UGT1A9: variants seen among roughly 807,000 people sequenced by gnomAD.
UGT1A9 encodes UDP-glucuronosyltransferase 1A9.
UGT1A9 carries 35 observed loss-of-function variants against 45.0 expected under a neutral mutation model. That is an observed-to-expected ratio of 0.78 (90% CI 0.59 to 1.03). UGT1A9 has a LOEUF of 1.03. Among genes scored for constraint, UGT1A9 ranks in the 50% least tolerant of loss-of-function variants. UGT1A9 has a pLI of 0.00. For missense variants in UGT1A9, 687 were observed against 666.6 expected, an observed-to-expected ratio of 1.03 and a Z score of -0.34; for synonymous variants, 278 against 250.6, an observed-to-expected ratio of 1.11 and a Z score of -1.03.
intron 3 of UGT1A9, 59 bp from the exon 4 acceptor site, chr2:233,768,161 T>G: frequency 1.2e-6 from 2 of 1,613,420 alleles, no homozygotes; most frequent in East Asian, 2.2e-5. Flanking sequence ...AACCTAGATG[T>G]GTCCAGCTGT....
chr2:233,750,746 T>G (rs1207151817), intron 1 of UGT1A9: 2 of 151,906 alleles, frequency 1.3e-5, no homozygotes, highest in Admixed American at 1.3e-4. Context: ...ACCTCAAGCC[T>G]TGGCAGCATC....
chr2:233,681,494 G>A (rs2074525000), intron 1 of UGT1A9, among the ~76,000 whole-genome samples: 1 of 130,992 alleles, frequency 7.6e-6, no homozygotes, highest in African/African-American at 3.0e-5. Context: ...TCTTACCACT[G>A]CACTCCAGCC....
chr2:233,742,329 G>T (rs1030248524), intron 1 of UGT1A9, among the ~76,000 whole-genome samples: 2 of 151,942 alleles, frequency 1.3e-5, no homozygotes, highest in Non-Finnish European at 2.9e-5. Context: ...GGGAAACAAA[G>T]GGATGGGCTC....
chr2:233,762,002 C>A (rs1378101119), intron 1 of UGT1A9, among the ~76,000 whole-genome samples: 2 of 152,188 alleles, frequency 1.3e-5, no homozygotes, highest in Non-Finnish European at 2.9e-5. Flanking sequence ...TTCCACTATA[C>A]CTCCAATGTG....
At chr2:233,741,911 A>C (rs909136076) in intron 1 of UGT1A9, 2 of 151,838 alleles carry the variant, frequency 1.3e-5, no homozygotes, top group African/African-American at 4.9e-5. Flanking sequence ...GTGATGGAAA[A>C]GGTCTTCATT....
In UGT1A9 at chr2:233,755,078, G is replaced by C. The variant is rs756759474; in HGVS notation, c.856-11956G>C. On this transcript the variant is annotated intron_variant, in intron 1 of 4. Coordinates refer to ENST00000354728, the MANE Select transcript of UGT1A9 (RefSeq NM_021027.3). ...CCCTCGCCTCGCCATAGCGGTCATAGATATCGCGTTTCTACGCGTCCGACA... is the reference window on the plus strand; with the variant it reads ...CCCTCGCCTCGCCATAGCGGTCATACATATCGCGTTTCTACGCGTCCGACA... The C allele has an allele frequency of 6.7e-6, 9 of 1,336,426 alleles. No homozygotes were observed. In the East Asian group the frequency reaches 2.3e-4, roughly 34 times the overall value. The allele number at this position is 1,336,426 out of a possible 1,614,324, so 82.8% of individuals were successfully genotyped here.
chr2:233,690,671 C>G, intron 1 of UGT1A9: 1 of 1,267,248 alleles, frequency 7.9e-7, no homozygotes, highest in South Asian at 1.3e-5. Context: ...CCAGGGCAGG[C>G]CTGGGTCTCC....
intron 1 of UGT1A9, among the ~76,000 whole-genome samples, chr2:233,685,534 C>T (rs558249982): frequency 4.6e-5 from 7 of 152,328 alleles, no homozygotes; most frequent in South Asian, 2.1e-4. Flanking sequence ...CCATTGCTCT[C>T]GCATTCTGTT....
chr2:233,763,933 G>A (rs1374530707), intron 1 of UGT1A9, among the ~76,000 whole-genome samples: 1 of 152,232 alleles, frequency 6.6e-6, no homozygotes, highest in African/African-American at 2.4e-5. Context: ...ATGGCCAGGA[G>A]AGGAAAGCTT....
chr2:233,712,779 C>G (rs2076254516), intron 1 of UGT1A9, among the ~76,000 whole-genome samples: 1 of 152,186 alleles, frequency 6.6e-6, no homozygotes, highest in Non-Finnish European at 1.5e-5. Flanking sequence ...ATGAGTTTTT[C>G]AAGATAGGAG....
At position 233,734,360 on chromosome 2, in the gene UGT1A9, C is replaced by T. The variant is rs565800937; in HGVS notation, c.856-32674C>T. Among the ~76,000 whole-genome samples the T allele has an allele frequency of 6.9e-4, 105 of 152,192 alleles. No individual in the cohort carries two copies. In the South Asian group the frequency reaches 0.014, roughly 20 times the overall value. ...ATGGTAGTTTGTATTTCTGTGGGAT[C>T]GGTGGTGATATTGCCTTTACTATTT... is the stretch of plus-strand genomic sequence containing the variant. On this transcript the variant is annotated intron_variant, in intron 1 of 4. Coordinates refer to ENST00000354728, the MANE Select transcript of UGT1A9 (RefSeq NM_021027.3).
chr2:233,747,270 T>C (rs1378649529), intron 1 of UGT1A9: 110 of 1,598,986 alleles, frequency 6.9e-5, no homozygotes, highest in Non-Finnish European at 9.1e-5. Context: ...TGCTACTCCT[T>C]CTCAGTGCCC....
At chr2:233,672,810 C>G (rs746379415) in intron 1 of UGT1A9, 21 bp downstream of exon 1, 1 of 1,605,968 alleles carries the variant, frequency 6.2e-7, no homozygotes, top group Non-Finnish European at 8.5e-7. Context: ...TCTCCTTTAG[C>G]ACCTTAAGAA....
At chr2:233,743,449 G>A in intron 1 of UGT1A9, 2 of 1,365,064 alleles carry the variant, frequency 1.5e-6, no homozygotes, top group African/African-American at 3.0e-5. Context: ...TGTATCAAAA[G>A]AAGAAAAAAC....
At chr2:233,681,881 T>A (rs7586110) in intron 1 of UGT1A9, 22 of 1,552,012 alleles carry the variant, frequency 1.4e-5, no homozygotes, top group Non-Finnish European at 1.7e-5. Context: ...CTTCTTCCAC[T>A]TACTATATTA....
chr2:233,715,209 C>T (rs920759938), intron 1 of UGT1A9, among the ~76,000 whole-genome samples: 4 of 152,060 alleles, frequency 2.6e-5, no homozygotes, highest in African/African-American at 9.7e-5. Context: ...TTTAAAAGAC[C>T]CTCTACTGAA....
intron 1 of UGT1A9, chr2:233,747,336 G>A (rs1693629813): frequency 6.2e-7 from 1 of 1,603,524 alleles, no homozygotes; most frequent in Admixed American, 1.7e-5. Flanking sequence ...GCAGCCACTG[G>A]CTCGCATGCG....
chr2:233,763,100 C>T (rs888370802), intron 1 of UGT1A9, among the ~76,000 whole-genome samples: 9 of 152,128 alleles, frequency 5.9e-5, no homozygotes, highest in Non-Finnish European at 7.3e-5. Context: ...GGAGAGGCAC[C>T]GAACTTTATC....
intron 1 of UGT1A9, chr2:233,682,658 G>T (rs2074589486): frequency 9.9e-6 from 16 of 1,613,826 alleles, no homozygotes; most frequent in Non-Finnish European, 1.3e-5. Context: ...CCCTGTCACG[G>T]CATATGATCT....
Sources: gnomAD v4.1 joint callset for allele counts (sites outside exome capture counted in the v4.1 genomes callset) on GRCh38, gnomAD v4.1.1 for gene constraint, MANE v1.5 for transcripts, NCBI Gene and HGNC (gene_info 2026-07-23, HGNC 2026-07-21) for gene names.